The following MICU2 variants were observed in gnomAD, a reference collection of about 807,000 sequenced individuals.
MICU2 encodes mitochondrial calcium uptake 2.
A neutral mutation model predicts 60.4 loss-of-function variants in MICU2; 64 were observed. The ratio of observed to expected loss-of-function variants is 1.06; its 90% CI spans 0.87 to 1.31. The LOEUF (loss-of-function observed/expected upper bound fraction) is 1.31, where lower values mean the gene tolerates loss of function less well. Ranked by LOEUF, MICU2 falls within the 50% of genes most tolerant of loss-of-function variation. The pLI is 0.00. For synonymous variants in MICU2, 201 were observed against 175.0 expected, an observed-to-expected ratio of 1.15 and a Z score of -1.17; for missense variants, 569 against 531.0, an observed-to-expected ratio of 1.07 and a Z score of -0.70.
rs543694830 is a variant in MICU2 at position 21,558,200 on chromosome 13, GC to G, written c.358+8596del. Among the ~76,000 whole-genome samples, 297 of 152,272 alleles carry G rather than the reference GC, an allele frequency of 2.0e-3. 1 individual carries two copies. The highest frequency in any genetic ancestry group is 6.7e-3 in the African/African-American group (278 of 41,548). On this transcript the variant is annotated intron_variant, in intron 2 of 11. Coordinates refer to ENST00000382374, the MANE Select transcript of MICU2 (RefSeq NM_152726.3). ...GAAGACTATCGCCCCCCAGTGTTAA[GC>G]CTCTGATGTTGCTCCTCAGGGAGGC...
intron 1 of MICU2, among the ~76,000 whole-genome samples, chr13:21,593,896 A>G (rs1290668228): frequency 6.6e-6 from 1 of 152,244 alleles, no homozygotes; most frequent in East Asian, 1.9e-4. Flanking sequence ...ATGGATTAAG[A>G]CTTAAATGTA....
chr13:21,528,980 C>CGT (rs1886923378), intron 4 of MICU2, among the ~76,000 whole-genome samples: 1 of 151,982 alleles, frequency 6.6e-6, no homozygotes, highest in Non-Finnish European at 1.5e-5. Context: ...CGTAAAAAGA[C>CGT]GTGGCACACT....
At chr13:21,523,187 T>C (rs1451541451) in intron 4 of MICU2, among the ~76,000 whole-genome samples, 1 of 152,350 alleles carries the variant, frequency 6.6e-6, no homozygotes, top group South Asian at 2.1e-4. Context: ...TCAGCTTTTC[T>C]GGGTCTACAG....
chr13:21,498,017 A>T (rs1886044650), intron 9 of MICU2, among the ~76,000 whole-genome samples: 2 of 152,138 alleles, frequency 1.3e-5, no homozygotes, highest in Non-Finnish European at 1.5e-5. Context: ...AGCCTCAGAA[A>T]GTGCAGGGAT....
intron 1 of MICU2, among the ~76,000 whole-genome samples, chr13:21,601,609 G>A (rs1031905362): frequency 1.2e-4 from 17 of 144,332 alleles, no homozygotes; most frequent in African/African-American, 3.9e-4. Flanking sequence ...GGATTTCAAA[G>A]GAGAAAGATT....
chr13:21,555,548 A>T (rs1197026041), intron 2 of MICU2, among the ~76,000 whole-genome samples: 1 of 152,212 alleles, frequency 6.6e-6, no homozygotes, highest in East Asian at 1.9e-4. Flanking sequence ...TCTATGACAA[A>T]CCCACAGCCA....
intron 9 of MICU2, among the ~76,000 whole-genome samples, chr13:21,502,256 TAA>T (rs1447816846): frequency 6.6e-6 from 1 of 152,182 alleles, no homozygotes. Flanking sequence ...AGTAACTTTT[TAA>T]AAAGTTACAT....
At chr13:21,596,272 G>A (rs1011630310) in intron 1 of MICU2, among the ~76,000 whole-genome samples, 1 of 152,070 alleles carries the variant, frequency 6.6e-6, no homozygotes, top group Non-Finnish European at 1.5e-5. Context: ...TAAGACTACA[G>A]AGTTGCTTTT....
chr13:21,507,570 T>C (rs1245452453), intron 8 of MICU2, among the ~76,000 whole-genome samples: 2 of 151,984 alleles, frequency 1.3e-5, no homozygotes, highest in Non-Finnish European at 2.9e-5. Flanking sequence ...AAACTGGGAT[T>C]AGTGGGGTTA....
intron 1 of MICU2, among the ~76,000 whole-genome samples, chr13:21,579,029 T>C (rs1447126432): frequency 6.6e-6 from 1 of 152,210 alleles, no homozygotes; most frequent in Non-Finnish European, 1.5e-5. Flanking sequence ...CCATGGTTGA[T>C]TAAGGTTTTA....
At chr13:21,502,642 T>C (rs1018143937) in intron 9 of MICU2, among the ~76,000 whole-genome samples, 2 of 152,186 alleles carry the variant, frequency 1.3e-5, no homozygotes, top group Admixed American at 1.3e-4. Flanking sequence ...AATAATCTTG[T>C]TAATTTGGAC....
chr13:21,533,977 A>G (rs1415093061), intron 4 of MICU2, among the ~76,000 whole-genome samples: 2 of 152,056 alleles, frequency 1.3e-5, no homozygotes, highest in Non-Finnish European at 2.9e-5. Flanking sequence ...GATATCTGAT[A>G]AAGAGGAGGC....
At chr13:21,551,257 A>G (rs1000477431) in intron 2 of MICU2, 1 of 152,504 alleles carries the variant, frequency 6.6e-6, no homozygotes, top group Non-Finnish European at 1.5e-5. Context: ...GAGAAAAAGA[A>G]CCACAATCAT....
intron 1 of MICU2, among the ~76,000 whole-genome samples, chr13:21,572,324 G>C (rs571089093): frequency 1.3e-5 from 2 of 152,316 alleles, no homozygotes; most frequent in South Asian, 4.1e-4. Flanking sequence ...AGGAGTTTTA[G>C]TATTTATACA....
intron 8 of MICU2, among the ~76,000 whole-genome samples, chr13:21,505,662 A>C (rs1886274886): frequency 6.6e-6 from 1 of 152,208 alleles, no homozygotes; most frequent in African/African-American, 2.4e-5. Context: ...TATCTACTGT[A>C]TATGACTGTC....
At chr13:21,537,265 C>A (rs1887152960) in intron 4 of MICU2, among the ~76,000 whole-genome samples, 1 of 152,182 alleles carries the variant, frequency 6.6e-6, no homozygotes, top group Admixed American at 6.5e-5. Flanking sequence ...TTCTGCCTAG[C>A]AAATCCTAAC....
At chr13:21,579,345 T>G (rs1196203918) in intron 1 of MICU2, among the ~76,000 whole-genome samples, 1 of 149,520 alleles carries the variant, frequency 6.7e-6, no homozygotes, top group Non-Finnish European at 1.5e-5. Flanking sequence ...AGCTCTGCCT[T>G]TTTTTTTTTT....
chr13:21,558,990 T>C (rs1593344231), intron 2 of MICU2, among the ~76,000 whole-genome samples: 2 of 152,138 alleles, frequency 1.3e-5, no homozygotes, highest in East Asian at 3.8e-4. Context: ...GCTGCACCAG[T>C]TTGGAATAAA....
chr13:21,596,341 T>C (rs1295290341), intron 1 of MICU2, among the ~76,000 whole-genome samples: 2 of 151,826 alleles, frequency 1.3e-5, no homozygotes, highest in Admixed American at 1.3e-4. Flanking sequence ...TCCCCCCACA[T>C]TTCCTTATAT....
Sources: gnomAD v4.1 joint callset for allele counts (sites outside exome capture counted in the v4.1 genomes callset) on GRCh38, gnomAD v4.1.1 for gene constraint, MANE v1.5 for transcripts, NCBI Gene and HGNC (gene_info 2026-07-23, HGNC 2026-07-21) for gene names.